BRINP1: variants seen among roughly 807,000 people sequenced by gnomAD.
BRINP1 encodes BMP/retinoic acid-inducible neural-specific protein 1.
A neutral mutation model predicts 72.9 loss-of-function variants in BRINP1; 17 were observed. The ratio of observed to expected loss-of-function variants is 0.23; its 90% confidence interval spans 0.16 to 0.35. The LOEUF (loss-of-function observed/expected upper bound fraction) is 0.35, where lower values mean the gene tolerates loss of function less well. Ranked by LOEUF, BRINP1 falls within the 10% of genes least tolerant of loss-of-function variation. The probability of loss-of-function intolerance (pLI) is 1.00; values close to 1 mark genes in which losing one functional copy is unlikely to be tolerated. For missense variants in BRINP1, 850 were observed against 1,001.6 expected, an observed-to-expected ratio of 0.85 and a Z score of 2.04; for synonymous variants, 418 against 378.5, an observed-to-expected ratio of 1.10 and a Z score of -1.21.
At chr9:119,169,788 A>G in intron 7 of BRINP1, among the ~76,000 whole-genome samples, 1 of 152,234 alleles carries the variant, frequency 6.6e-6, no homozygotes, top group African/African-American at 2.4e-5. Flanking sequence ...AGATCTGAGA[A>G]CGGGCAGACT....
chr9:119,353,238 CA>C (rs1212458900), intron 1 of BRINP1, among the ~76,000 whole-genome samples: 1 of 152,164 alleles, frequency 6.6e-6, no homozygotes, highest in African/African-American at 2.4e-5. Context: ...ATGAGCTGAT[CA>C]AATCATTGTG....
At chr9:119,294,586 C>T (rs1216825117) in intron 2 of BRINP1, among the ~76,000 whole-genome samples, 1 of 151,858 alleles carries the variant, frequency 6.6e-6, no homozygotes, top group Non-Finnish European at 1.5e-5. Context: ...CACAGAAAGG[C>T]TGGGTGCGGT....
At chr9:119,254,285 G>T (rs1830423706) in intron 2 of BRINP1, among the ~76,000 whole-genome samples, 1 of 152,170 alleles carries the variant, frequency 6.6e-6, no homozygotes, top group African/African-American at 2.4e-5. Context: ...AAATCACGGG[G>T]AGGAGGCTGC....
intron 1 of BRINP1, among the ~76,000 whole-genome samples, chr9:119,352,972 G>A (rs1831520825): frequency 6.6e-6 from 1 of 152,186 alleles, no homozygotes; most frequent in Non-Finnish European, 1.5e-5. Context: ...TTTGAATGGG[G>A]AAGGTAGAGT....
intron 2 of BRINP1, among the ~76,000 whole-genome samples, chr9:119,271,752 A>T (rs2118952018): frequency 6.6e-6 from 1 of 152,280 alleles, no homozygotes; most frequent in South Asian, 2.1e-4. Context: ...GGTAAAGAGT[A>T]CATAACTGTT....
chr9:119,364,889 G>A (rs768179234), intron 1 of BRINP1, among the ~76,000 whole-genome samples: 8 of 152,350 alleles, frequency 5.3e-5, no homozygotes, highest in South Asian at 2.1e-4. Context: ...CAAAAATGCC[G>A]TAACGGCATT....
At chr9:119,336,567 A>T (rs12350867) in intron 1 of BRINP1, among the ~76,000 whole-genome samples, 3,749 of 152,110 alleles carry the variant, frequency 0.025, 176 homozygotes, top group African/African-American at 0.086. Context: ...TGGGAGAGAG[A>T]GTGTGTGCTG....
In BRINP1 at chr9:119,167,431, G is replaced by A. The variant is rs778296002; in HGVS notation, c.1939C>T (p.Gln647Ter). 6.2e-7 allele frequency: 1 copy of A among 1,614,072 alleles called. No individual in the cohort carries two copies. Among genetic ancestry groups the A allele is most frequent in the Non-Finnish European group, 8.5e-7 (1 of 1,179,970 alleles). The change falls in exon 8 of 8, where the codon CAG becomes TAG. Residue 647 changes from glutamine to a stop codon, truncating the protein, a stop_gained. Coordinates refer to ENST00000265922, the MANE Select transcript of BRINP1 (RefSeq NM_014618.3). LOFTEE classifies it high-confidence loss of function. This position sits in a 1 kb window ranked among gnomAD's most constrained non-coding sequence, Gnocchi z 4.3. ...PVDLSDPSKR[Q>*]FYIKISDVQV... is the part of the protein sequence containing the mutation. ...ACGTCTGAGATCTTGATGTAGAACT[G>A]CCTCTTGGAGGGATCCGACAGGTCC... is the stretch of plus-strand genomic sequence containing the variant.
chr9:119,366,068 C>G (rs1183023146), intron 1 of BRINP1, among the ~76,000 whole-genome samples: 1 of 151,998 alleles, frequency 6.6e-6, no homozygotes, highest in Non-Finnish European at 1.5e-5. Context: ...TTTATGGGTC[C>G]TACTCTTCAC....
chr9:119,237,317 T>C (rs1197943515), intron 5 of BRINP1, among the ~76,000 whole-genome samples: 1 of 151,072 alleles, frequency 6.6e-6, no homozygotes, highest in Non-Finnish European at 1.5e-5. Flanking sequence ...AAGTAAGCTC[T>C]TCTAATACCT....
At chr9:119,353,417 C>T (rs1831524787) in intron 1 of BRINP1, among the ~76,000 whole-genome samples, 1 of 152,190 alleles carries the variant, frequency 6.6e-6, no homozygotes, top group African/African-American at 2.4e-5. Context: ...GAATGATTAT[C>T]CCCATTTTAC....
chr9:119,300,552 C>T (rs1310419882), intron 2 of BRINP1, among the ~76,000 whole-genome samples: 1 of 152,090 alleles, frequency 6.6e-6, no homozygotes, highest in East Asian at 1.9e-4. Context: ...AAATAATAAC[C>T]CCACTGTGTC....
intron 1 of BRINP1, among the ~76,000 whole-genome samples, chr9:119,363,256 G>A (rs1298644786): frequency 6.6e-6 from 1 of 152,064 alleles, no homozygotes; most frequent in Non-Finnish European, 1.5e-5. Flanking sequence ...GTGCCCAGCT[G>A]TTTTTTTAAA....
At chr9:119,264,012 G>T (rs12339373) in intron 2 of BRINP1, among the ~76,000 whole-genome samples, 2 of 152,132 alleles carry the variant, frequency 1.3e-5, no homozygotes, top group Non-Finnish European at 1.5e-5. Context: ...CCCGCAATCA[G>T]ATTGTTTCAC....
intron 4 of BRINP1, 54 bp downstream of exon 4, chr9:119,241,993 T>C: frequency 1.3e-6 from 2 of 1,557,822 alleles, no homozygotes; most frequent in Non-Finnish European, 1.8e-6. Flanking sequence ...AATGCCTGCA[T>C]TGCAGTGTTG....
chr9:119,197,439 C>A (rs1477844791), intron 7 of BRINP1, among the ~76,000 whole-genome samples: 1 of 152,144 alleles, frequency 6.6e-6, no homozygotes, highest in Non-Finnish European at 1.5e-5. Flanking sequence ...AAAGCATCAA[C>A]AACTCTGTCT....
At chr9:119,293,228 T>C (rs1830840196) in intron 2 of BRINP1, among the ~76,000 whole-genome samples, 1 of 152,134 alleles carries the variant, frequency 6.6e-6, no homozygotes, top group Admixed American at 6.5e-5. Context: ...AAAATATATG[T>C]ACTAAGATTA....
intron 2 of BRINP1, among the ~76,000 whole-genome samples, chr9:119,250,372 A>G (rs1830373973): frequency 6.6e-6 from 1 of 152,220 alleles, no homozygotes; most frequent in Admixed American, 6.5e-5. Flanking sequence ...CACTAATAAC[A>G]GAGGATCTCA....
At chr9:119,238,133 CAT>C (rs1376884220) in intron 5 of BRINP1, among the ~76,000 whole-genome samples, 1 of 152,062 alleles carries the variant, frequency 6.6e-6, no homozygotes, top group Non-Finnish European at 1.5e-5. Context: ...TTAGTCTTCA[CAT>C]GTGAAAAATT....
Sources: allele counts gnomAD v4.1 joint callset (sites outside exome capture counted in the v4.1 genomes callset), GRCh38; gene constraint gnomAD v4.1.1; non-coding constraint Gnocchi (gnomAD v3.1); transcripts MANE v1.5; gene names NCBI Gene and HGNC (gene_info 2026-07-23, HGNC 2026-07-21).